Variants in TRIM34 observed in about 807,000 individuals in gnomAD.
TRIM34 encodes the protein tripartite motif containing 34, also known as E3 ubiquitin-protein ligase TRIM34.
Under a neutral mutation model 38.1 loss-of-function variants are expected in TRIM34, and 41 were observed. That is an observed-to-expected ratio of 1.08 (90% CI 0.84 to 1.40). The LOEUF (loss-of-function observed/expected upper bound fraction) is 1.40. Among genes scored for constraint, TRIM34 ranks in the 40% most tolerant of loss-of-function variants. The pLI is 0.00. For missense variants in TRIM34, 556 were observed against 571.4 expected, an observed-to-expected ratio of 0.97 and a Z score of 0.27; for synonymous variants, 200 against 202.5, an observed-to-expected ratio of 0.99 and a Z score of 0.10.
chr11:5,639,705 A>AAAGATTGG (rs1849913686), intron 4 of TRIM34, among the ~76,000 whole-genome samples: 1 of 144,450 alleles, frequency 6.9e-6, no homozygotes, highest in African/African-American at 2.8e-5. Context: ...AAAAAAAAAA[A>AAAGATTGG]AAGATTGGAA....
In TRIM34 at chr11:5,642,567, G is replaced by C. The variant is rs1169875716; in HGVS notation, c.874+61G>C. On this transcript the variant is annotated intron_variant, in intron 6 of 7. Transcript: ENST00000429814. ...TTGTTGTGGTGTCAGGTAATAAACT[G>C]TCTAGGTGGGATAACTTAAAATTGA... The C allele has an allele frequency of 3.2e-6, 5 of 1,570,078 alleles. No individual in the cohort carries two copies. In the South Asian group the frequency reaches 3.5e-5, roughly 11 times the overall value.
rs755457057 is a variant in TRIM34 at position 5,643,667 on chromosome 11, G to C, written c.1425G>C (p.Trp475Cys). The change falls in exon 8 of 8, where the codon TGG (tryptophan) becomes TGC (cysteine). Residue 475 changes from tryptophan to cysteine, a missense_variant. Trp to Cys is a radical substitution (Grantham distance 215, BLOSUM62 -2). Coordinates refer to ENST00000429814, the MANE Select transcript of TRIM34 (RefSeq NM_021616.6). ...SQPVYPYFNP[W>C]NCPAPMTLCP... ...CTGTTTATCCATATTTCAATCCTTG[G>C]AACTGTCCAGCTCCCATGACTCTAT... is the stretch of plus-strand genomic sequence containing the variant. The C allele has an allele frequency of 8.1e-6, 13 of 1,612,930 alleles. No individual in the cohort carries two copies. The highest frequency in any genetic ancestry group is 1.1e-5 in the Non-Finnish European group (13 of 1,179,588).
At chr11:5,628,622 G>A (rs754721926) in intron 1 of TRIM34, among the ~76,000 whole-genome samples, 41 of 152,236 alleles carry the variant, frequency 2.7e-4, no homozygotes, top group East Asian at 1.2e-3. Context: ...TTTGCCAAGC[G>A]TGGGAAAGAT....
At chr11:5,634,250 G>A (rs918312962) in intron 3 of TRIM34, among the ~76,000 whole-genome samples, 1 of 152,066 alleles carries the variant, frequency 6.6e-6, no homozygotes, top group Non-Finnish European at 1.5e-5. Flanking sequence ...AAGGCAGGCA[G>A]TCATGAATAT....
chr11:5,632,391 G>T lies in TRIM34; in HGVS notation c.60G>T (p.Glu20Asp). The T allele has an allele frequency of 6.2e-7, 1 of 1,614,070 alleles. No individual in the cohort carries two copies. Among genetic ancestry groups the T allele is most frequent in the Non-Finnish European group, 8.5e-7 (1 of 1,180,010 alleles). Reference protein sequence around the residue: ...QEEVTCPICLELLTEPLSLDC... With the variant: ...QEEVTCPICLDLLTEPLSLDC... Reference sequence around the variant, plus strand: ...AGGTGACCTGTCCCATCTGCCTGGAGCTGTTGACAGAACCCTTGAGTCTAG... The same window carrying T: ...AGGTGACCTGTCCCATCTGCCTGGATCTGTTGACAGAACCCTTGAGTCTAG... The change falls in exon 2 of 8, where the codon GAG becomes GAT. Residue 20 changes from glutamate to aspartate, a missense_variant. Transcript: ENST00000429814.
chr11:5,633,760 A>G, intron 2 of TRIM34, 44 bp from the exon 3 acceptor site: 5 of 1,579,238 alleles, frequency 3.2e-6, no homozygotes, highest in African/African-American at 1.4e-5. Flanking sequence ...TCCAGATACT[A>G]AGAAAGCTTA....
intron 4 of TRIM34, 45 bp from the exon 5 acceptor site, chr11:5,641,122 C>T: frequency 6.3e-7 from 1 of 1,599,774 alleles, no homozygotes; most frequent in Non-Finnish European, 8.5e-7. Context: ...TAGTCTTACA[C>T]CAGTCTTTAT....
At chr11:5,637,085 A>C (rs1849773233) in intron 4 of TRIM34, among the ~76,000 whole-genome samples, 1 of 152,200 alleles carries the variant, frequency 6.6e-6, no homozygotes, top group Non-Finnish European at 1.5e-5. Context: ...AGGCAGGAGA[A>C]TGGTGTGAAC....
At chr11:5,641,334 G>A (rs1377766108) in intron 5 of TRIM34, 145 bp downstream of exon 5, 21 of 1,530,020 alleles carry the variant, frequency 1.4e-5, no homozygotes, top group Middle Eastern at 1.7e-4. Context: ...GCTGGTCCCC[G>A]ATGAGTATTT....
upstream of TRIM34, among the ~76,000 whole-genome samples, chr11:5,623,574 G>A (rs1198464098): frequency 1.3e-5 from 2 of 150,154 alleles, no homozygotes; most frequent in Non-Finnish European, 3.0e-5. Context: ...AGAGACGGGG[G>A]TTTCACCATG....
chr11:5,641,372 G>A lies in TRIM34; in HGVS notation c.773+183G>A, dbSNP rs1488844286. The A allele has an allele frequency of 1.2e-5, 16 of 1,386,868 alleles. No individual in the cohort carries two copies. In the East Asian group the frequency reaches 1.3e-4, roughly 11 times the overall value. 85.9% of individuals were successfully genotyped at this position (1,386,868 alleles called of 1,614,324 possible). A position where few individuals can be genotyped will look rare whatever the true frequency, so the allele number is the denominator to read the frequency against. On this transcript the variant is annotated intron_variant, in intron 5 of 7. Transcript: ENST00000429814. ...GTGTTCCGTAACTATTAATGGACTC[G>A]ATCCTATGTTAGTAAATTCAGTGGT...
chr11:5,632,356 G>GTA lies in TRIM34; in HGVS notation c.26_27dup (p.Gln10TyrfsTer5), dbSNP rs1849517410. 6.2e-7 allele frequency: 1 copy of GTA among 1,614,056 alleles called. No homozygotes were observed. Among genetic ancestry groups the GTA allele is most frequent in the African/African-American group, 1.3e-5 (1 of 75,014 alleles). ...AATGGCTTCAAAAATCTTGCTTAAC[G>GTA]TACAAGAGGAGGTGACCTGTCCCAT... On this transcript the variant is annotated frameshift_variant, in exon 2 of 8. Transcript: ENST00000429814.
intron 1 of TRIM34, among the ~76,000 whole-genome samples, chr11:5,627,992 T>C (rs1849317165): frequency 6.6e-6 from 1 of 152,220 alleles, no homozygotes; most frequent in South Asian, 2.1e-4. Context: ...CTGGCAGCTA[T>C]GGTAACCAGG....
chr11:5,632,339 C>G lies in TRIM34; in HGVS notation c.8C>G (p.Ser3Ter). 1 of 1,614,008 alleles carries G rather than the reference C, an allele frequency of 6.2e-7. No homozygotes were observed. The highest frequency in any genetic ancestry group is 8.5e-7 in the Non-Finnish European group (1 of 1,179,992). Residue 3 changes from serine to a stop codon, truncating the protein, a stop_gained, in exon 2 of 8, where the codon TCA (serine) becomes TGA (stop). Coordinates refer to ENST00000429814, the MANE Select transcript of TRIM34 (RefSeq NM_021616.6). LOFTEE classifies it high-confidence loss of function. ...AGCCAGGGAAGCAGTGCAATGGCTT[C>G]AAAAATCTTGCTTAACGTACAAGAG... The part of the protein sequence containing the change: MA[S>*]KILLNVQEEV...
intron 4 of TRIM34, among the ~76,000 whole-genome samples, chr11:5,635,470 A>G (rs1256367591): frequency 6.6e-6 from 1 of 151,978 alleles, no homozygotes; most frequent in African/African-American, 2.4e-5. Context: ...GCTAGCCAGT[A>G]TGGTATTAAT....
At chr11:5,643,118 T>TAC in intron 7 of TRIM34, 26 bp from the exon 8 acceptor site, 1 of 1,190,540 alleles carries the variant, frequency 8.4e-7, no homozygotes, top group South Asian at 2.1e-5. Flanking sequence ...CATATACATA[T>TAC]ATATATATTT....
chr11:5,628,902 T>C (rs1849360244), intron 1 of TRIM34, among the ~76,000 whole-genome samples: 1 of 152,130 alleles, frequency 6.6e-6, no homozygotes, highest in Non-Finnish European at 1.5e-5. Context: ...CTTTGGCTTA[T>C]ATCTGTGCTA....
chr11:5,631,233 C>G lies in TRIM34; in HGVS notation c.-77-1022C>G, dbSNP rs768864085. Among the ~76,000 whole-genome samples the G allele has an allele frequency of 3.3e-4, 51 of 152,310 alleles. 1 individual carries two copies. Among genetic ancestry groups the G allele is most frequent in the Non-Finnish European group, 4.6e-4 (31 of 68,036 alleles). ...ACCATCTACAAACACAAGACCCCCC[C>G]AGAAATTCCCAACTTATGTGGTTTC... On this transcript the variant is annotated intron_variant, in intron 1 of 7. Transcript: ENST00000429814.
chr11:5,633,872 C>T lies in TRIM34; in HGVS notation c.492C>T (p.Asp164=), dbSNP rs1208082274. ...EEEEAEKLEA[D]IREEKTSWKY... ...AGGAAGCTGAGAAGCTGGAAGCTGA[C>T]ATCAGAGAAGAGAAAACTTCCTGGA... The change falls in exon 3 of 8, where the codon GAC becomes GAT. Residue 164 remains aspartate, a synonymous_variant. Transcript: ENST00000429814. The T allele has an allele frequency of 6.2e-7, 1 of 1,614,070 alleles. No homozygotes were observed. Among genetic ancestry groups the T allele is most frequent in the Non-Finnish European group, 8.5e-7 (1 of 1,179,982 alleles).
Sources: allele counts gnomAD v4.1 joint callset (sites outside exome capture counted in the v4.1 genomes callset), GRCh38; gene constraint gnomAD v4.1.1; transcripts MANE v1.5; gene names NCBI Gene and HGNC (gene_info 2026-07-23, HGNC 2026-07-21).